The following ALS2 variants were observed in gnomAD, a reference collection of about 807,000 sequenced individuals.
ALS2 encodes alsin Rho guanine nucleotide exchange factor ALS2.
In ALS2, 117 loss-of-function variants were observed where a neutral mutation model predicts 203.4. That is an observed-to-expected ratio of 0.58 (90% CI 0.50 to 0.67). The LOEUF is 0.67. ALS2 is among the 30% of genes least tolerant of loss of function. The pLI, the probability that ALS2 is intolerant of heterozygous loss-of-function variation, is 0.00. For missense variants in ALS2, 1,715 were observed against 1,989.4 expected, an observed-to-expected ratio of 0.86 and a Z score of 2.62; for synonymous variants, 718 against 725.9, an observed-to-expected ratio of 0.99 and a Z score of 0.17.
intron 7 of ALS2, among the ~76,000 whole-genome samples, chr2:201,750,852 CTTT>C (rs550778369): frequency 7.3e-5 from 10 of 137,486 alleles, no homozygotes; most frequent in African/African-American, 8.0e-5. Context: ...TTTCCAATTC[CTTT>C]TTTTTTTTTT....
At chr2:201,777,245 T>C (rs1350893668) in intron 1 of ALS2, among the ~76,000 whole-genome samples, 1 of 144,450 alleles carries the variant, frequency 6.9e-6, no homozygotes, top group Non-Finnish European at 1.5e-5. Flanking sequence ...TTAATTCCCC[T>C]GCAGGCTTCA....
intron 11 of ALS2, 133 bp downstream of exon 11, chr2:201,741,541 A>G: frequency 1.0e-6 from 1 of 984,934 alleles, no homozygotes. Flanking sequence ...TTGGCTTAAG[A>G]TTAAAATACT....
chr2:201,779,903 G>C (rs538507258), intron 1 of ALS2: 1 of 152,148 alleles, frequency 6.6e-6, no homozygotes. Flanking sequence ...TAACTCAAAG[G>C]TCAACCGGTC....
chr2:201,725,484 A>G, intron 19 of ALS2, 30 bp from the exon 20 acceptor site: 2 of 1,548,424 alleles, frequency 1.3e-6, no homozygotes, highest in Non-Finnish European at 1.8e-6. Context: ...ATAACAAAAG[A>G]AGATGCATTT....
Position 201,718,177 on chromosome 2 carries a change from C to T in ALS2, c.3736G>A (p.Glu1246Lys). 1 of 1,613,608 alleles carries T rather than the reference C, an allele frequency of 6.2e-7. No individual in the cohort carries two copies. Among genetic ancestry groups the T allele is most frequent in the Non-Finnish European group, 8.5e-7 (1 of 1,179,580 alleles). The change falls in exon 24 of 34, where the codon GAA (glutamate) becomes AAA (lysine). Residue 1246 changes from glutamate to lysine, a missense_variant. Glu to Lys is a moderately conservative substitution (Grantham distance 56). This residue lies in a region of ALS2 where 1,227 missense variants were observed against 1,413.5 expected (regional missense o/e 0.87). Transcript: ENST00000264276. Reference sequence around the variant, plus strand: ...CCCCATTCTCCACTAAAATAACCTTCAATGTAGTCTCCATTTGGCATAGTC... The same window carrying T: ...CCCCATTCTCCACTAAAATAACCTTTAATGTAGTCTCCATTTGGCATAGTC... ...TLTMPNGDYI[E>K]GYFSGEWGSG... is the part of the protein sequence containing the mutation.
At chr2:201,742,741 T>A (rs1180307818) in intron 10 of ALS2, among the ~76,000 whole-genome samples, 1 of 152,128 alleles carries the variant, frequency 6.6e-6, no homozygotes, top group Non-Finnish European at 1.5e-5. Flanking sequence ...TCACAAAGAC[T>A]GTAAATTAGT....
At position 201,761,829 on chromosome 2, in the gene ALS2, AAAAAAAG is replaced by A; in HGVS notation, c.176-18_176-12del. On this transcript the variant is annotated splice_polypyrimidine_tract_variant and intron_variant, in intron 3 of 33. Coordinates refer to ENST00000264276, the MANE Select transcript of ALS2 (RefSeq NM_020919.4). Reference sequence around the variant, plus strand: ...TGTAGACCTCACCATCTGAAGGTTAAAAAAAAGAAAAAAGAAAAAAAAAAGGGTTAGT... The same window carrying A: ...TGTAGACCTCACCATCTGAAGGTTAAAAAAAAGAAAAAAAAAAGGGTTAGT... 1.9e-6 allele frequency: 3 copies of A among 1,612,864 alleles called. No homozygotes were observed. Among genetic ancestry groups the A allele is most frequent in the Middle Eastern group, 1.7e-4 (1 of 6,056 alleles).
intron 33 of ALS2, among the ~76,000 whole-genome samples, chr2:201,702,093 G>A (rs1290654105): frequency 6.7e-6 from 1 of 148,356 alleles, no homozygotes; most frequent in Admixed American, 6.8e-5. Flanking sequence ...AATTAGTATA[G>A]ACAAAATTTT....
Position 201,735,638 on chromosome 2 carries a change from T to C in ALS2, c.2418-2200A>G, listed in dbSNP as rs530227532. Among the ~76,000 whole-genome samples the C allele has an allele frequency of 5.3e-5, 8 of 152,374 alleles. No individual in the cohort carries two copies. In the East Asian group the frequency reaches 9.6e-4, roughly 18 times the overall value. ...AAGATGTCATTGCTGCCTTTAACTA[T>C]GTAAAACCCAGGCTCTGGGCATGGT... On this transcript the variant is annotated intron_variant, in intron 12 of 33. Transcript: ENST00000264276.
intron 1 of ALS2, among the ~76,000 whole-genome samples, chr2:201,779,656 A>C (rs1694811593): frequency 6.6e-6 from 1 of 152,254 alleles, no homozygotes; most frequent in Non-Finnish European, 1.5e-5. Flanking sequence ...AATACGATAC[A>C]TGAACCATTA....
intron 7 of ALS2, among the ~76,000 whole-genome samples, chr2:201,750,241 A>G (rs1022449000): frequency 2.6e-5 from 4 of 152,008 alleles, no homozygotes; most frequent in African/African-American, 9.7e-5. Context: ...AATAACTAAC[A>G]CTTTTCAGGT....
chr2:201,705,494 TTGTTACTTATGGTA>T, intron 29 of ALS2, 33 bp from the exon 30 acceptor site: 1 of 1,564,390 alleles, frequency 6.4e-7, no homozygotes, highest in Non-Finnish European at 8.8e-7. Flanking sequence ...TTAATATAAG[TTGTTACTTATGGTA>T]AACAAAATCC....
At chr2:201,758,759 C>CGCGTGTGTGT (rs74613232) in intron 4 of ALS2, among the ~76,000 whole-genome samples, 6 of 132,004 alleles carry the variant, frequency 4.5e-5, no homozygotes, top group African/African-American at 1.3e-4. Context: ...TGTGTGTGCG[C>CGCGTGTGTGT]ATGTGTGTGT....
At chr2:201,764,407 G>A (rs1262537455) in intron 3 of ALS2, among the ~76,000 whole-genome samples, 3 of 151,728 alleles carry the variant, frequency 2.0e-5, no homozygotes, top group Non-Finnish European at 4.4e-5. Flanking sequence ...AGAGGCAGGC[G>A]AATCACTAGG....
chr2:201,720,988 A>C (rs189224894), intron 23 of ALS2, among the ~76,000 whole-genome samples: 1 of 152,342 alleles, frequency 6.6e-6, no homozygotes, highest in Non-Finnish European at 1.5e-5. Flanking sequence ...AAACGAATTC[A>C]GCAAGATTTC....
chr2:201,752,184 A>T (rs957002083), intron 7 of ALS2, among the ~76,000 whole-genome samples: 3 of 152,078 alleles, frequency 2.0e-5, no homozygotes, highest in Non-Finnish European at 4.4e-5. Flanking sequence ...CATTTTTACA[A>T]CTGACGCATC....
At chr2:201,724,625 T>TAAAGTTAA (rs1431072633) in intron 20 of ALS2, among the ~76,000 whole-genome samples, 166 bp from the exon 21 acceptor site, 1 of 152,208 alleles carries the variant, frequency 6.6e-6, no homozygotes, top group Non-Finnish European at 1.5e-5. Flanking sequence ...TTCGAATGAT[T>TAAAGTTAA]AAAGTTAAAA....
intron 12 of ALS2, 147 bp downstream of exon 12, chr2:201,738,523 C>CTT: frequency 1.3e-6 from 1 of 758,056 alleles, no homozygotes; most frequent in Non-Finnish European, 2.3e-6. Context: ...AGTACCTGTC[C>CTT]TTTATAAGAC....
intron 12 of ALS2, 24 bp downstream of exon 12, chr2:201,738,646 A>C: frequency 1.9e-6 from 3 of 1,606,562 alleles, no homozygotes; most frequent in Non-Finnish European, 2.6e-6. Context: ...GAGAATGATA[A>C]CTGGAAGGTG....
Sources: gnomAD v4.1 joint callset for allele counts (sites outside exome capture counted in the v4.1 genomes callset) on GRCh38, gnomAD v4.1.1 for gene constraint, gnomAD v4.1.1 regional missense constraint, MANE v1.5 for transcripts, NCBI Gene and HGNC (gene_info 2026-07-23, HGNC 2026-07-21) for gene names.